Variants in PRDM16 observed in about 807,000 individuals in gnomAD.
The protein encoded by PRDM16 is histone-lysine N-methyltransferase PRDM16.
A neutral mutation model predicts 110.6 loss-of-function variants in PRDM16; 23 were observed. The ratio of observed to expected loss-of-function variants is 0.21; its 90% CI spans 0.15 to 0.29. The LOEUF is 0.29. Among genes scored for constraint, PRDM16 ranks in the 10% least tolerant of loss-of-function variants. The probability of loss-of-function intolerance (pLI) is 1.00; values close to 1 mark genes in which losing one functional copy is unlikely to be tolerated. For synonymous variants in PRDM16, 799 were observed against 781.8 expected (o/e 1.02, Z -0.37); for missense variants, 1,615 against 1,794.3 (o/e 0.90, Z 1.81).
At chr1:3,331,946 C>G (rs892234215) in intron 3 of PRDM16, among the ~76,000 whole-genome samples, 1 of 152,260 alleles carries the variant, frequency 6.6e-6, no homozygotes, top group Non-Finnish European at 1.5e-5. Flanking sequence ...ACCTCTCTGC[C>G]CAGGCAGTGG....
At chr1:3,301,197 G>A (rs900289220) in intron 3 of PRDM16, among the ~76,000 whole-genome samples, 1 of 152,086 alleles carries the variant, frequency 6.6e-6, no homozygotes, top group Admixed American at 6.5e-5. Flanking sequence ...TGGATGTGAT[G>A]GCATGTACCT....
intron 1 of PRDM16, among the ~76,000 whole-genome samples, chr1:3,137,054 G>T (rs1382765443): frequency 1.3e-5 from 2 of 152,204 alleles, no homozygotes; most frequent in African/African-American, 4.8e-5. Context: ...ACCTCGGAAG[G>T]AGTCATCCCA....
intron 3 of PRDM16, among the ~76,000 whole-genome samples, chr1:3,318,198 G>A (rs949178685): frequency 1.3e-4 from 20 of 152,128 alleles, no homozygotes; most frequent in African/African-American, 4.8e-4. Context: ...AATGACAAGG[G>A]AAGACACGTA....
At chr1:3,278,461 G>A (rs981409802) in intron 3 of PRDM16, among the ~76,000 whole-genome samples, 5 of 152,224 alleles carry the variant, frequency 3.3e-5, no homozygotes, top group African/African-American at 1.2e-4. Context: ...TCACATTCAT[G>A]CAGGATATTT....
intron 1 of PRDM16, among the ~76,000 whole-genome samples, chr1:3,130,430 T>C (rs1292283219): frequency 6.6e-6 from 1 of 152,110 alleles, no homozygotes; most frequent in Non-Finnish European, 1.5e-5. Flanking sequence ...AGCCGAGAGG[T>C]GGGCCCTTCC....
intron 3 of PRDM16, among the ~76,000 whole-genome samples, chr1:3,277,821 ATGCACATGCACACACG>A (rs1416732716): frequency 4.0e-5 from 6 of 148,616 alleles, no homozygotes; most frequent in African/African-American, 1.6e-4. Context: ...ACACGAGCAT[ATGCACATGCACACACG>A]TGCACAGGCA....
At chr1:3,403,971 A>C (rs1459762078) in intron 6 of PRDM16, among the ~76,000 whole-genome samples, 4 of 152,252 alleles carry the variant, frequency 2.6e-5, no homozygotes, top group African/African-American at 9.6e-5. Flanking sequence ...CCTTCCCAGT[A>C]AACGCCGCTC....
intron 3 of PRDM16, among the ~76,000 whole-genome samples, chr1:3,336,643 GGAGT>G (rs1404126357): frequency 4.8e-4 from 71 of 148,706 alleles, no homozygotes; most frequent in Middle Eastern, 3.7e-3. Context: ...CATGTGTGTT[GGAGT>G]GAGTGTGTGT....
At chr1:3,344,312 TA>T (rs925740676) in intron 3 of PRDM16, among the ~76,000 whole-genome samples, 48 of 149,410 alleles carry the variant, frequency 3.2e-4, no homozygotes, top group East Asian at 1.4e-3. Context: ...AGATCCCATC[TA>T]AAAAAAAAAC....
chr1:3,221,939 A>G (rs1639160012), intron 2 of PRDM16, among the ~76,000 whole-genome samples: 1 of 152,246 alleles, frequency 6.6e-6, no homozygotes, highest in Non-Finnish European at 1.5e-5. Flanking sequence ...AAATCTGTGC[A>G]GGAAAAGCCA....
chr1:3,226,390 C>T (rs995600103), intron 2 of PRDM16, among the ~76,000 whole-genome samples: 12 of 152,224 alleles, frequency 7.9e-5, no homozygotes, highest in South Asian at 2.1e-4. Context: ...CGCCTGGCAC[C>T]CCGGATCCCT....
chr1:3,417,501 AATC>A (rs1185108833), intron 10 of PRDM16, among the ~76,000 whole-genome samples: 3 of 152,248 alleles, frequency 2.0e-5, no homozygotes, highest in East Asian at 3.8e-4. Flanking sequence ...GATAAGGGGT[AATC>A]ATAAACATCA....
Position 3,412,357 on chromosome 1 carries a change from C to A in PRDM16, c.2160C>A (p.Pro720=). The change falls in exon 9 of 17, where the codon CCC becomes CCA. Residue 720 remains proline (P), a synonymous_variant. Transcript: ENST00000270722. ...GMQEKKLGSL[P]YHSAFPFQFL... ...AGGAGAAGAAGCTGGGCTCGCTCCC[C>A]TACCACTCGGCGTTCCCCTTCCAGT... The A allele has an allele frequency of 1.9e-6, 3 of 1,613,664 alleles. No individual in the cohort carries two copies. The highest frequency in any genetic ancestry group is 2.5e-6 in the Non-Finnish European group (3 of 1,180,018).
At chr1:3,384,065 C>T (rs553609459) in intron 3 of PRDM16, among the ~76,000 whole-genome samples, 9 of 151,384 alleles carry the variant, frequency 5.9e-5, no homozygotes, top group Non-Finnish European at 1.2e-4. Flanking sequence ...ATATGCCCAC[C>T]GTGACCCACC....
intron 3 of PRDM16, among the ~76,000 whole-genome samples, chr1:3,286,636 G>A (rs1019190954): frequency 6.6e-6 from 1 of 151,838 alleles, no homozygotes; most frequent in Non-Finnish European, 1.5e-5. Context: ...AGGGCCTGAG[G>A]GCCTGGGGGT....
chr1:3,141,668 C>T (rs111342456), intron 1 of PRDM16, among the ~76,000 whole-genome samples: 1 of 152,326 alleles, frequency 6.6e-6, no homozygotes, highest in South Asian at 2.1e-4. Context: ...GCCACAGTGG[C>T]TCGTTAAGGA....
At chr1:3,173,652 G>T (rs926936159) in intron 1 of PRDM16, among the ~76,000 whole-genome samples, 1 of 152,244 alleles carries the variant, frequency 6.6e-6, no homozygotes, top group Non-Finnish European at 1.5e-5. Context: ...TGCCCCAGAG[G>T]CGTGGGCTGC....
At chr1:3,327,081 G>A (rs1641929634) in intron 3 of PRDM16, among the ~76,000 whole-genome samples, 1 of 152,246 alleles carries the variant, frequency 6.6e-6, no homozygotes, top group Non-Finnish European at 1.5e-5. Flanking sequence ...GGCAAGGCGA[G>A]GAGGCCCCAG....
intron 2 of PRDM16, among the ~76,000 whole-genome samples, chr1:3,233,237 C>T (rs1052081243): frequency 3.9e-5 from 6 of 152,254 alleles, no homozygotes; most frequent in African/African-American, 1.4e-4. Flanking sequence ...TGCCTAGCAC[C>T]TCCTGTGTCG....
Sources: allele counts gnomAD v4.1 joint callset (sites outside exome capture counted in the v4.1 genomes callset), GRCh38; gene constraint gnomAD v4.1.1; transcripts MANE v1.5; gene names NCBI Gene and HGNC (gene_info 2026-07-23, HGNC 2026-07-21).